GALNT14: variants seen among roughly 807,000 people sequenced by gnomAD.
GALNT14 encodes the protein UDP-GalNAc:polypeptide N-acetylgalactosaminyltransferase 14.
Under a neutral mutation model 77.5 loss-of-function variants are expected in GALNT14, and 60 were observed. The ratio of observed to expected loss-of-function variants is 0.77; its 90% CI spans 0.63 to 0.96. GALNT14 has a LOEUF of 0.96. Ranked by LOEUF, GALNT14 falls within the 40% of genes least tolerant of loss-of-function variation. The pLI, the probability that GALNT14 is intolerant of heterozygous loss-of-function variation, is 0.00. For missense variants in GALNT14, 710 were observed against 731.0 expected (o/e 0.97, Z 0.33); for synonymous variants, 280 against 281.7 (o/e 0.99, Z 0.06).
chr2:30,971,479 C>T (rs753746936), intron 2 of GALNT14, among the ~76,000 whole-genome samples: 25 of 152,126 alleles, frequency 1.6e-4, no homozygotes, highest in Non-Finnish European at 3.1e-4. Flanking sequence ...GCCACAGCAG[C>T]TCATGAGGAA....
chr2:31,100,958 A>G (rs1677244603), intron 1 of GALNT14, among the ~76,000 whole-genome samples: 1 of 152,054 alleles, frequency 6.6e-6, no homozygotes, highest in Non-Finnish European at 1.5e-5. Context: ...TTTATTCACT[A>G]CTGTACTGAA....
chr2:30,904,183 T>G, the GALNT14 span, among the ~76,000 whole-genome samples: 1 of 152,062 alleles, frequency 6.6e-6, no homozygotes, highest in Non-Finnish European at 1.5e-5. Flanking sequence ...GCATCATCAA[T>G]AGAAACCCCT....
chr2:30,949,039 G>A (rs755519582), intron 6 of GALNT14, among the ~76,000 whole-genome samples: 21 of 152,072 alleles, frequency 1.4e-4, no homozygotes, highest in African/African-American at 5.1e-4. Context: ...GTATCTGCTT[G>A]GCTGAGAGTC....
chr2:30,987,027 G>C (rs1190116044), intron 2 of GALNT14: 1 of 152,230 alleles, frequency 6.6e-6, no homozygotes, highest in Non-Finnish European at 1.5e-5. Flanking sequence ...GTGGAGACTT[G>C]AGGAATGATG....
chr2:30,927,527 T>C (rs1480036869), intron 11 of GALNT14, among the ~76,000 whole-genome samples: 1 of 152,212 alleles, frequency 6.6e-6, no homozygotes, highest in Non-Finnish European at 1.5e-5. Flanking sequence ...TATGAATGAA[T>C]GCAGCGATGA....
At chr2:31,125,361 G>T (rs1263144135) in intron 1 of GALNT14, 1 of 798,246 alleles carries the variant, frequency 1.3e-6, no homozygotes, top group Non-Finnish European at 2.1e-6. Context: ...GTGCCCATAG[G>T]AAAGATCTGG....
At chr2:30,906,699 C>T (rs1428062784), downstream of GALNT14, among the ~76,000 whole-genome samples, 2 of 152,088 alleles carry the variant, frequency 1.3e-5, no homozygotes, top group Non-Finnish European at 2.9e-5. Context: ...CAGCTCTGCA[C>T]CAAGCGGACC....
chr2:31,066,965 C>T (rs1675010752), intron 1 of GALNT14, among the ~76,000 whole-genome samples: 3 of 152,146 alleles, frequency 2.0e-5, no homozygotes, highest in Admixed American at 2.0e-4. Flanking sequence ...TGCCCAGGGG[C>T]CTGGACATCA....
intron 1 of GALNT14, among the ~76,000 whole-genome samples, chr2:31,103,490 A>AACACACACACACACAC (rs58852483): frequency 0.013 from 1,984 of 150,174 alleles, 18 homozygotes; most frequent in Middle Eastern, 0.034. Flanking sequence ...AGAAGAAGGA[A>AACACACACACACACAC]ACACACACAC....
chr2:30,983,448 T>A (rs568045591), intron 2 of GALNT14, among the ~76,000 whole-genome samples: 1 of 152,328 alleles, frequency 6.6e-6, no homozygotes, highest in South Asian at 2.1e-4. Context: ...TGTCTCTACA[T>A]CTCTTTCCAC....
intron 1 of GALNT14, chr2:31,078,903 G>A (rs987023446): frequency 7.0e-6 from 9 of 1,288,678 alleles, no homozygotes; most frequent in African/African-American, 1.5e-5. Flanking sequence ...GACCAGGAGA[G>A]CAAAGGACTA....
At chr2:30,886,823 TC>T in the GALNT14 span, among the ~76,000 whole-genome samples, 1 of 152,240 alleles carries the variant, frequency 6.6e-6, no homozygotes, top group Non-Finnish European at 1.5e-5. Flanking sequence ...ACATTCATAA[TC>T]TTGTACAACC....
At chr2:30,966,674 A>G (rs549322419) in intron 2 of GALNT14, among the ~76,000 whole-genome samples, 30 of 152,246 alleles carry the variant, frequency 2.0e-4, no homozygotes, top group African/African-American at 7.2e-4. Context: ...CTACCCTTTC[A>G]GCCCATCTGC....
chr2:31,104,509 C>A (rs1418031579), intron 1 of GALNT14, among the ~76,000 whole-genome samples: 1 of 152,164 alleles, frequency 6.6e-6, no homozygotes, highest in African/African-American at 2.4e-5. Flanking sequence ...GTCCACAGAT[C>A]CTATGCGAAT....
intron 1 of GALNT14, among the ~76,000 whole-genome samples, chr2:31,103,657 T>C (rs1354295044): frequency 6.6e-6 from 1 of 152,156 alleles, no homozygotes; most frequent in Non-Finnish European, 1.5e-5. Context: ...AGCTCTCAAT[T>C]ATACCTTTTT....
chr2:31,049,275 G>C (rs1338110591), intron 1 of GALNT14, among the ~76,000 whole-genome samples: 1 of 152,122 alleles, frequency 6.6e-6, no homozygotes, highest in African/African-American at 2.4e-5. Context: ...TCCCATGCAA[G>C]CTCACACTTA....
At chr2:30,894,350 T>C in the GALNT14 span, among the ~76,000 whole-genome samples, 1 of 152,328 alleles carries the variant, frequency 6.6e-6, no homozygotes, top group East Asian at 1.9e-4. Context: ...AAAATGGAAG[T>C]AAGTAGTTGC....
chr2:31,022,187 G>T (rs571777851), intron 1 of GALNT14, among the ~76,000 whole-genome samples: 1 of 152,344 alleles, frequency 6.6e-6, no homozygotes, highest in East Asian at 1.9e-4. Context: ...GAAAGGGGAG[G>T]AAGGGAGGGA....
the GALNT14 span, among the ~76,000 whole-genome samples, chr2:30,886,949 C>T: frequency 6.6e-6 from 1 of 152,216 alleles, no homozygotes; most frequent in Non-Finnish European, 1.5e-5. Context: ...TGCCTTCTGT[C>T]TTCATGGATT....
Sources: gnomAD v4.1 joint callset for allele counts (sites outside exome capture counted in the v4.1 genomes callset) on GRCh38, gnomAD v4.1.1 for gene constraint, MANE v1.5 for transcripts, NCBI Gene and HGNC (gene_info 2026-07-23, HGNC 2026-07-21) for gene names.